SEC14L5: variants seen among roughly 807,000 people sequenced by gnomAD.
The protein encoded by SEC14L5 is SEC14 like lipid binding 5.
SEC14L5 carries 96 observed loss-of-function variants against 84.6 expected under a neutral mutation model. That is an observed-to-expected ratio of 1.13 (90% CI 0.96 to 1.34). The LOEUF (loss-of-function observed/expected upper bound fraction) is 1.34. Among genes scored for constraint, SEC14L5 ranks in the 40% most tolerant of loss-of-function variants. The pLI, the probability that SEC14L5 is intolerant of heterozygous loss-of-function variation, is 0.00. For synonymous variants in SEC14L5, 546 were observed against 383.4 expected (o/e 1.42, Z -4.95); for missense variants, 1,224 against 942.5 (o/e 1.30, Z -3.91).
intron 15 of SEC14L5, among the ~76,000 whole-genome samples, chr16:5,014,571 A>G (rs74005483): frequency 0.033 from 4,994 of 152,254 alleles, 267 homozygotes; most frequent in African/African-American, 0.11. Flanking sequence ...GAGACTGGAG[A>G]CAGGGCCGGG....
intron 14 of SEC14L5, among the ~76,000 whole-genome samples, chr16:5,009,328 C>T (rs989387263): frequency 6.6e-6 from 1 of 151,892 alleles, no homozygotes; most frequent in South Asian, 2.1e-4. Context: ...TTTTTTGAGA[C>T]AGGGTCTCAC....
intron 2 of SEC14L5, among the ~76,000 whole-genome samples, chr16:4,977,580 T>C (rs1409909437): frequency 2.6e-5 from 4 of 151,662 alleles, no homozygotes; most frequent in Non-Finnish European, 5.9e-5. Flanking sequence ...ACCTCAACTG[T>C]GATGAGCTCA....
chr16:4,971,487 CA>C (rs1018061658), intron 2 of SEC14L5, among the ~76,000 whole-genome samples: 1 of 151,996 alleles, frequency 6.6e-6, no homozygotes, highest in Non-Finnish European at 1.5e-5. Flanking sequence ...CAACAACAAC[CA>C]AAAAAACTGG....
intron 2 of SEC14L5, among the ~76,000 whole-genome samples, chr16:4,970,875 C>T (rs1027211197): frequency 2.6e-5 from 4 of 152,108 alleles, no homozygotes; most frequent in Admixed American, 6.5e-5. Flanking sequence ...TTTGGGAGGC[C>T]GAGGCGGGTG....
At chr16:4,987,502 G>GGT (rs1568124958) in intron 2 of SEC14L5, 55 bp from the exon 3 acceptor site, 59 of 1,437,524 alleles carry the variant, frequency 4.1e-5, no homozygotes, top group Non-Finnish European at 5.3e-5. Context: ...CGCGCTGGGG[G>GGT]GGGGGGTCCC....
chr16:4,988,071 G>C, intron 3 of SEC14L5, 78 bp from the exon 4 acceptor site: 2 of 1,516,352 alleles, frequency 1.3e-6, no homozygotes, highest in Admixed American at 3.5e-5. Flanking sequence ...ACTGGGGCAG[G>C]CCCGCCGGAC....
intron 10 of SEC14L5, 70 bp from the exon 11 acceptor site, chr16:5,003,332 C>G: frequency 8.0e-7 from 1 of 1,254,732 alleles, no homozygotes; most frequent in Non-Finnish European, 1.2e-6. Context: ...TGTTCATCCC[C>G]TGTGGGGAGG....
At chr16:5,001,213 T>C (rs948011851) in intron 10 of SEC14L5, among the ~76,000 whole-genome samples, 12 of 151,874 alleles carry the variant, frequency 7.9e-5, no homozygotes, top group Non-Finnish European at 1.5e-5. Context: ...TCGAAGACTT[T>C]ATCCTCCCAC....
In SEC14L5 at chr16:5,003,572, T is replaced by G; in HGVS notation, c.1301T>G (p.Leu434Arg). ...CGAGTCTTCCCCGTGCTCTGGACAC[T>G]GGTAAGAGCTGGAGCCTGGGCCAGG... Reference protein sequence around the residue: ...APRVFPVLWTLISPFINENTR... With the variant: ...APRVFPVLWTRISPFINENTR... The change falls in exon 11 of 16, where the codon CTG (leucine) becomes CGG (arginine). Residue 434 changes from leucine to arginine, a missense_variant and splice_region_variant. Coordinates refer to ENST00000251170, the MANE Select transcript of SEC14L5 (RefSeq NM_014692.2). 1 of 1,514,878 alleles carries G rather than the reference T, an allele frequency of 6.6e-7. No individual in the cohort carries two copies. The allele number at this position is 1,514,878 out of a possible 1,614,324, so 93.8% of individuals were successfully genotyped here.
At chr16:4,973,424 G>A (rs891598415) in intron 2 of SEC14L5, among the ~76,000 whole-genome samples, 3 of 56,424 alleles carry the variant, frequency 5.3e-5, no homozygotes, top group African/African-American at 1.6e-4. Flanking sequence ...GTGTCAGCCT[G>A]GTTCTGCCAG....
intron 8 of SEC14L5, among the ~76,000 whole-genome samples, chr16:4,998,477 G>T (rs566383041): frequency 1.3e-3 from 197 of 150,718 alleles, no homozygotes; most frequent in African/African-American, 4.3e-3. Flanking sequence ...GGTGGCTCAC[G>T]CCTGTAATCC....
intron 2 of SEC14L5, among the ~76,000 whole-genome samples, chr16:4,965,161 G>A (rs1955182038): frequency 1.3e-5 from 2 of 152,106 alleles, no homozygotes; most frequent in South Asian, 4.1e-4. Flanking sequence ...TATTTTTAAG[G>A]TTCATCCACA....
intron 11 of SEC14L5, among the ~76,000 whole-genome samples, chr16:5,005,631 G>A (rs2142526180): frequency 6.6e-6 from 1 of 152,130 alleles, no homozygotes; most frequent in African/African-American, 2.4e-5. Context: ...GGAGGCCGAG[G>A]CAGGTGGATC....
At chr16:4,966,894 A>G (rs932276710) in intron 2 of SEC14L5, among the ~76,000 whole-genome samples, 7 of 152,182 alleles carry the variant, frequency 4.6e-5, no homozygotes, top group African/African-American at 1.7e-4. Context: ...GCAAGGGAGA[A>G]TACAGCCCAA....
At chr16:5,011,050 C>T (rs1955793851) in intron 14 of SEC14L5, 45 bp from the exon 15 acceptor site, 1 of 1,543,712 alleles carries the variant, frequency 6.5e-7, no homozygotes, top group African/African-American at 1.4e-5. Flanking sequence ...CTTGACCTGT[C>T]CTCTGGAGGG....
chr16:5,008,398 A>G (rs1955757888), intron 13 of SEC14L5, 23 bp from the exon 14 acceptor site: 1 of 1,570,176 alleles, frequency 6.4e-7, no homozygotes, highest in African/African-American at 1.4e-5. Flanking sequence ...CGTGACTCTC[A>G]GACCTCGCCT....
Position 5,000,774 on chromosome 16 carries a change from T to C in SEC14L5, c.1059+31T>C, listed in dbSNP as rs1170838984. 4 of 1,555,570 alleles carry C rather than the reference T, an allele frequency of 2.6e-6. No homozygotes were observed. In the South Asian group the frequency reaches 3.5e-5, roughly 14 times the overall value. Reference sequence around the variant, plus strand: ...TCAGGGGCCTCGTTCCTGGACGCCGTGCCTGGGGCCGGGCCTGGGAAGGAC... The same window carrying C: ...TCAGGGGCCTCGTTCCTGGACGCCGCGCCTGGGGCCGGGCCTGGGAAGGAC... On this transcript the variant is annotated intron_variant, in intron 9 of 15. Transcript: ENST00000251170.
intron 2 of SEC14L5, among the ~76,000 whole-genome samples, chr16:4,970,118 G>C (rs1360317843): frequency 6.6e-6 from 1 of 152,144 alleles, no homozygotes; most frequent in Non-Finnish European, 1.5e-5. Context: ...GGCCCATCTG[G>C]TTCTTTTGAT....
chr16:4,981,255 G>GTTTTTTTTTTTTTTTTTTTT (rs58882220), intron 2 of SEC14L5, among the ~76,000 whole-genome samples: 2 of 92,902 alleles, frequency 2.2e-5, no homozygotes, highest in African/African-American at 4.0e-5. Context: ...TAGCTAATTG[G>GTTTTTTTTTTTTTTTTTTTT]TTTTTTTTTT....
Sources: allele counts gnomAD v4.1 joint callset (sites outside exome capture counted in the v4.1 genomes callset), GRCh38; gene constraint gnomAD v4.1.1; transcripts MANE v1.5; gene names NCBI Gene and HGNC (gene_info 2026-07-23, HGNC 2026-07-21).